The following GBP1 variants were observed in gnomAD, a reference collection of about 807,000 sequenced individuals.
GBP1 encodes the protein guanylate binding protein 1, also known as guanylate-binding protein 1.
A neutral mutation model predicts 69.5 loss-of-function variants in GBP1; 64 were observed. The ratio of observed to expected loss-of-function variants is 0.92; its 90% CI spans 0.75 to 1.13. The LOEUF is 1.13. Among genes scored for constraint, GBP1 ranks in the 50% most tolerant of loss-of-function variants. The pLI is 0.00. For synonymous variants in GBP1, 250 were observed against 261.2 expected, an observed-to-expected ratio of 0.96 and a Z score of 0.41; for missense variants, 630 against 704.1, an observed-to-expected ratio of 0.89 and a Z score of 1.19.
intron 1 of GBP1, among the ~76,000 whole-genome samples, chr1:89,064,238 T>TGAGAGA (rs1481034669): frequency 1.9e-4 from 21 of 112,866 alleles, no homozygotes; most frequent in African/African-American, 6.9e-4. Flanking sequence ...TGTGTGTGTG[T>TGAGAGA]GTGAGAGAGA....
intron 2 of GBP1, chr1:89,062,616 C>T (rs1680227166): frequency 6.0e-6 from 1 of 165,450 alleles, no homozygotes; most frequent in African/African-American, 2.4e-5. Context: ...GAGCTGTACA[C>T]TTAAAAATGG....
intron 2 of GBP1, 148 bp downstream of exon 2, chr1:89,062,897 C>G: frequency 1.1e-6 from 1 of 902,660 alleles, no homozygotes; most frequent in South Asian, 1.7e-5. Flanking sequence ...TCCCCTAGAA[C>G]AGCGTGAAGA....
At chr1:89,054,601 C>T in intron 10 of GBP1, 81 bp downstream of exon 10, 1 of 1,292,016 alleles carries the variant, frequency 7.7e-7, no homozygotes, top group South Asian at 1.3e-5. Context: ...TTCATGTTCT[C>T]TCTGCCACAC....
At chr1:89,055,824 T>C (rs892748250) in intron 8 of GBP1, 192 bp downstream of exon 8, 3 of 667,402 alleles carry the variant, frequency 4.5e-6, no homozygotes, top group Admixed American at 2.8e-5. Context: ...TAATAGTTAA[T>C]TGACTGCACT....
In GBP1 at chr1:89,054,755, A is replaced by C; in HGVS notation, c.1592T>G (p.Leu531Arg). ...ERSYQEHLKQLTEKMENDRVQ... is the reference protein window; with the variant it reads ...ERSYQEHLKQRTEKMENDRVQ... Reference sequence around the variant, plus strand: ...CCTGTCGTTCTCCATCTTCTCAGTCAGTTGTTTCAAGTGTTCCTGATAACT... The same window carrying C: ...CCTGTCGTTCTCCATCTTCTCAGTCCGTTGTTTCAAGTGTTCCTGATAACT... Residue 531 changes from leucine to arginine, a missense_variant, in exon 10 of 11, where the codon CTG (leucine) becomes CGG (arginine). By Grantham distance (102) the Leu-to-Arg change is moderately radical (BLOSUM62 -2). Transcript: ENST00000370473. 4 of 1,614,222 alleles carry C rather than the reference A, an allele frequency of 2.5e-6. No homozygotes were observed. The highest frequency in any genetic ancestry group is 1.3e-5 in the African/African-American group (1 of 75,058).
Position 89,054,768 on chromosome 1 carries a change from G to A in GBP1, c.1579C>T (p.His527Tyr), listed in dbSNP as rs1680003289. The A allele has an allele frequency of 1.2e-6, 2 of 1,614,212 alleles. No individual in the cohort carries two copies. Among genetic ancestry groups the A allele is most frequent in the East Asian group, 2.2e-5 (1 of 44,888 alleles). ...ATCTTCTCAGTCAGTTGTTTCAAGTGTTCCTGATAACTCCTCTCCTTCTGT... is the reference window on the plus strand; with the variant it reads ...ATCTTCTCAGTCAGTTGTTTCAAGTATTCCTGATAACTCCTCTCCTTCTGT... ...MEQKERSYQE[H>Y]LKQLTEKMEN... The change falls in exon 10 of 11, where the codon CAC (histidine) becomes TAC (tyrosine). Residue 527 changes from histidine (H) to tyrosine (Y), a missense_variant. Coordinates refer to ENST00000370473, the MANE Select transcript of GBP1 (RefSeq NM_002053.3).
At position 89,053,232 on chromosome 1, in the gene GBP1, C is replaced by T; in HGVS notation, c.*123G>A. ...TGATTTTGATCATTGTACCACATGC[C>T]TTTATAAACTTTTGGTGTTATGATG... On this transcript the variant is annotated 3_prime_UTR_variant, in exon 11 of 11. Coordinates refer to ENST00000370473, the MANE Select transcript of GBP1 (RefSeq NM_002053.3). 4 of 624,902 alleles carry T rather than the reference C, an allele frequency of 6.4e-6. No individual in the cohort carries two copies. Among genetic ancestry groups the T allele is most frequent in the South Asian group, 5.3e-5 (2 of 37,386 alleles). 38.7% of individuals were successfully genotyped at this position (624,902 alleles called of 1,614,324 possible).
chr1:89,063,346 G>A (rs1202967939), intron 1 of GBP1, 93 bp from the exon 2 acceptor site: 2 of 1,138,194 alleles, frequency 1.8e-6, no homozygotes, highest in Non-Finnish European at 2.5e-6. Context: ...CAAAAGTTTT[G>A]TGTGTGACAG....
chr1:89,061,841 A>C (rs1680207343), intron 2 of GBP1, among the ~76,000 whole-genome samples: 1 of 152,192 alleles, frequency 6.6e-6, no homozygotes, highest in African/African-American at 2.4e-5. Context: ...TAAATGAACA[A>C]TGGACTTGAA....
At chr1:89,060,380 A>T in intron 2 of GBP1, 56 bp from the exon 3 acceptor site, 1 of 1,447,234 alleles carries the variant, frequency 6.9e-7, no homozygotes, top group Non-Finnish European at 9.2e-7. Flanking sequence ...AGTTCTGGCA[A>T]TTGAAGGAAA....
intron 2 of GBP1, among the ~76,000 whole-genome samples, chr1:89,062,378 T>C (rs897740298): frequency 7.9e-5 from 12 of 152,146 alleles, no homozygotes; most frequent in Non-Finnish European, 1.2e-4. Flanking sequence ...TGAAGACATA[T>C]GAATTGAAAT....
At position 89,053,613 on chromosome 1, in the gene GBP1, C is replaced by T. The variant is rs1679972639; in HGVS notation, c.1666-145G>A. 4.8e-5 allele frequency: 62 copies of T among 1,287,726 alleles called. No homozygotes were observed. In the South Asian group the frequency reaches 9.4e-4, roughly 20 times the overall value. The allele number at this position is 1,287,726 out of a possible 1,614,324, so 79.8% of individuals were successfully genotyped here. A position where few individuals can be genotyped will look rare whatever the true frequency, so the allele number is the denominator to read the frequency against. The stretch of plus-strand genomic sequence containing the variant: ...ATGTCATACTTTGGCCTATCATTGA[C>T]CAAAGCACAGCCATGTTCCTTACCC... On this transcript the variant is annotated intron_variant, in intron 10 of 10. Transcript: ENST00000370473.
At position 89,057,134 on chromosome 1, in the gene GBP1, C is replaced by A. The variant is rs1483036520; in HGVS notation, c.875G>T (p.Arg292Leu). The A allele has an allele frequency of 9.3e-6, 15 of 1,614,166 alleles. No individual in the cohort carries two copies. Among genetic ancestry groups the A allele is most frequent in the Non-Finnish European group, 1.3e-5 (15 of 1,179,964 alleles). ...GTAGGTCAGCACCAGGCTCTCTAGA[C>A]CTGCATATGAAGAACAAATGATAAT... ...LSGGIQVNGPRLESLVLTYVN... is the reference protein window; with the variant it reads ...LSGGIQVNGPLLESLVLTYVN... Residue 292 changes from arginine (R) to leucine (L), a missense_variant and splice_region_variant, in exon 7 of 11, where the codon CGT (arginine) becomes CTT (leucine). By Grantham distance (102) the Arg-to-Leu change is moderately radical. This residue lies in a region of GBP1 where 367 missense variants were observed against 369.5 expected (regional missense o/e 0.99). Coordinates refer to ENST00000370473, the MANE Select transcript of GBP1 (RefSeq NM_002053.3).
chr1:89,057,954 C>G, intron 6 of GBP1, 38 bp downstream of exon 6: 1 of 1,583,410 alleles, frequency 6.3e-7, no homozygotes, highest in Non-Finnish European at 8.6e-7. Flanking sequence ...CTCCTCTAGT[C>G]TTAAACAATG....
intron 8 of GBP1, 117 bp from the exon 9 acceptor site, chr1:89,055,332 T>A: frequency 6.6e-7 from 1 of 1,516,752 alleles, no homozygotes; most frequent in Non-Finnish European, 8.8e-7. Flanking sequence ...CCTATTGTCC[T>A]TGGTGGTCAA....
chr1:89,062,859 A>T, intron 2 of GBP1, 186 bp downstream of exon 2: 1 of 672,188 alleles, frequency 1.5e-6, no homozygotes, highest in Non-Finnish European at 2.5e-6. Flanking sequence ...CTAAGGTATC[A>T]TGGGAATAAT....
At position 89,058,739 on chromosome 1, in the gene GBP1, CAT is replaced by C; in HGVS notation, c.631+100_631+101del. On this transcript the variant is annotated intron_variant, in intron 5 of 10. Coordinates refer to ENST00000370473, the MANE Select transcript of GBP1 (RefSeq NM_002053.3). Reference sequence around the variant, plus strand: ...ATTTCTAGGAATAGCCAGCTGAAGACATAGAAAACTGCAAATGCTGGAAAACT... The same window carrying C: ...ATTTCTAGGAATAGCCAGCTGAAGACAGAAAACTGCAAATGCTGGAAAACT... The C allele has an allele frequency of 2.2e-5, 27 of 1,201,558 alleles. No individual in the cohort carries two copies. The South Asian group carries it at 3.4e-4, about 15-fold the overall frequency. The allele number at this position is 1,201,558 out of a possible 1,614,324, so 74.4% of individuals were successfully genotyped here.
chr1:89,064,199 A>ATGTGTGTGTGTG (rs759907157), intron 1 of GBP1, among the ~76,000 whole-genome samples: 9 of 100,810 alleles, frequency 8.9e-5, no homozygotes, highest in African/African-American at 2.6e-4. Flanking sequence ...GGGGCTGGGA[A>ATGTGTGTGTGTG]TGTGTGTGTG....
chr1:89,053,160 T>C lies in GBP1; in HGVS notation c.*195A>G. The C allele has an allele frequency of 2.1e-6, 1 of 485,498 alleles. No homozygotes were observed. The highest frequency in any genetic ancestry group is 3.6e-6 in the Non-Finnish European group (1 of 278,382). 30.1% of individuals were successfully genotyped at this position (485,498 alleles called of 1,614,324 possible). A position where few individuals can be genotyped will look rare whatever the true frequency, so the allele number is the denominator to read the frequency against. ...CTGAGTTGATACAGAGGTAAATGCA[T>C]CTTTGTTGCACAATTTACAGTCTTT... On this transcript the variant is annotated 3_prime_UTR_variant, in exon 11 of 11. Coordinates refer to ENST00000370473, the MANE Select transcript of GBP1 (RefSeq NM_002053.3).
Sources: gnomAD v4.1 joint callset for allele counts (sites outside exome capture counted in the v4.1 genomes callset) on GRCh38, gnomAD v4.1.1 for gene constraint, gnomAD v4.1.1 regional missense constraint, MANE v1.5 for transcripts, NCBI Gene and HGNC (gene_info 2026-07-23, HGNC 2026-07-21) for gene names.